The following THSD1 variants were observed in gnomAD, a reference collection of about 807,000 sequenced individuals.
THSD1 encodes the protein thrombospondin type 1 domain containing 1.
A neutral mutation model predicts 46.3 loss-of-function variants in THSD1; 34 were observed. That is an observed-to-expected ratio of 0.74 (90% CI 0.56 to 0.98). The LOEUF is 0.98. THSD1 is among the 50% of genes least tolerant of loss of function. The pLI, the probability that THSD1 is intolerant of heterozygous loss-of-function variation, is 0.00. For missense variants in THSD1, 1,023 were observed against 1,058.3 expected, an observed-to-expected ratio of 0.97 and a Z score of 0.46; for synonymous variants, 407 against 416.5, an observed-to-expected ratio of 0.98 and a Z score of 0.28.
intron 4 of THSD1, 131 bp from the exon 5 acceptor site, chr13:52,378,920 T>C (rs1957669272): frequency 1.9e-6 from 2 of 1,048,842 alleles, no homozygotes; most frequent in East Asian, 2.7e-5. Context: ...TGGAGTGCAA[T>C]GGTGTGATCT....
rs1286960161 is a variant in THSD1, at chr13:52,402,532, A to G, written c.58+11T>C. 6.2e-7 allele frequency: 1 copy of G among 1,612,764 alleles called. No individual in the cohort carries two copies. Among genetic ancestry groups the G allele is most frequent in the Non-Finnish European group, 8.5e-7 (1 of 1,178,866 alleles). On this transcript the variant is annotated intron_variant, in intron 2 of 4. Coordinates refer to ENST00000258613, the MANE Select transcript of THSD1 (RefSeq NM_018676.4). ...GCTACCAGTAGCGTTAAGTATACTC[A>G]CAATACTCACCATAGTCACAGAGTA...
intron 4 of THSD1, among the ~76,000 whole-genome samples, chr13:52,383,652 T>C (rs890275533): frequency 6.6e-6 from 1 of 152,242 alleles, no homozygotes; most frequent in Non-Finnish European, 1.5e-5. Flanking sequence ...CTCGCCCATC[T>C]GTATCTCTAG....
chr13:52,385,314 A>T (rs1957722553), intron 4 of THSD1, among the ~76,000 whole-genome samples: 1 of 152,190 alleles, frequency 6.6e-6, no homozygotes. Flanking sequence ...GTGTGGAAAA[A>T]GCAAGGACTA....
Position 52,377,755 on chromosome 13 carries a change from C to T in THSD1, c.2215G>A (p.Asp739Asn), listed in dbSNP as rs1176583475. The T allele has an allele frequency of 1.2e-6, 2 of 1,614,032 alleles. No homozygotes were observed. The highest frequency in any genetic ancestry group is 3.3e-5 in the Admixed American group (2 of 60,004). Residue 739 changes from aspartate (D) to asparagine (N), a missense_variant, in exon 5 of 5, where the codon GAC (aspartate) becomes AAC (asparagine). Around this residue, in one of 3 missense-constraint regions of THSD1, gnomAD observed 578 missense variants for 497.4 expected, o/e 1.16. Coordinates refer to ENST00000258613, the MANE Select transcript of THSD1 (RefSeq NM_018676.4). ...AATCCTGCCTGGTGATCCCCAAGGT[C>T]TGGTTTCCTCAAGGGCTGCCCCAAA... ...YTLGQPLRKPDLGDHQAGLVA... is the reference protein window; with the variant it reads ...YTLGQPLRKPNLGDHQAGLVA...
chr13:52,382,096 A>T (rs564456156), intron 4 of THSD1, among the ~76,000 whole-genome samples: 1 of 152,324 alleles, frequency 6.6e-6, no homozygotes, highest in East Asian at 1.9e-4. Context: ...TTTAGATCCA[A>T]GGAGAGCTAC....
chr13:52,383,774 T>C (rs1035217636), intron 4 of THSD1, among the ~76,000 whole-genome samples: 4 of 152,230 alleles, frequency 2.6e-5, no homozygotes, highest in African/African-American at 9.6e-5. Flanking sequence ...AAGAGCACAC[T>C]TGGAAGAAAT....
At chr13:52,382,807 C>T (rs1043134880) in intron 4 of THSD1, among the ~76,000 whole-genome samples, 1 of 152,070 alleles carries the variant, frequency 6.6e-6, no homozygotes, top group African/African-American at 2.4e-5. Flanking sequence ...TCGAGACCAG[C>T]CTGGCCAACA....
chr13:52,398,603 G>A (rs1165754085), intron 2 of THSD1: 1 of 985,336 alleles, frequency 1.0e-6, no homozygotes, highest in Non-Finnish European at 1.2e-6. Flanking sequence ...AAATGATACT[G>A]AGCACAGATC....
At position 52,394,078 on chromosome 13, in the gene THSD1, A is replaced by AG. The variant is rs1007150580; in HGVS notation, c.1021+3153_1021+3154insC. Among the ~76,000 whole-genome samples, 158 of 152,022 alleles carry AG rather than the reference A, an allele frequency of 1.0e-3. 1 individual carries two copies. The highest frequency in any genetic ancestry group is 2.2e-4 in the Non-Finnish European group (15 of 67,990). On this transcript the variant is annotated intron_variant, in intron 3 of 4. Coordinates refer to ENST00000258613, the MANE Select transcript of THSD1 (RefSeq NM_018676.4). ...CTACCCTCCACCTAGACACACAGAG[A>AG]ACCACTCCCGTTCTGCCCTTTTCCA...
In THSD1 at chr13:52,386,283, T is replaced by C. The variant is rs1002738015; in HGVS notation, c.1022-97A>G. The C allele has an allele frequency of 6.0e-6, 8 of 1,329,894 alleles. No homozygotes were observed. In the Middle Eastern group the frequency reaches 7.6e-4, roughly 127 times the overall value. 82.4% of individuals were successfully genotyped at this position (1,329,894 alleles called of 1,614,324 possible). On this transcript the variant is annotated intron_variant, in intron 3 of 4. Transcript: ENST00000258613. ...ACAGCAAAACTCAAATCTCAGGTCT[T>C]GAAAAGCCCGTGAGTTAAAGCGTTC...
intron 4 of THSD1, among the ~76,000 whole-genome samples, chr13:52,385,280 T>C (rs1388278104): frequency 1.3e-5 from 2 of 152,124 alleles, no homozygotes; most frequent in African/African-American, 4.8e-5. Context: ...TAAATGTGGA[T>C]TGTCTGTCAG....
rs1277668657 is a variant in THSD1, at chr13:52,377,871, C to T, written c.2099G>A (p.Arg700Gln). ...TTTTTCAGGAAACAGGTGGGCACCT[C>T]GACTCTGAGGCCTAAATCTGTCCTC... ...QAEDRFRPQS[R>Q]GAHLFPEKLE... Residue 700 changes from arginine to glutamine, a missense_variant, in exon 5 of 5, where the codon CGA (arginine) becomes CAA (glutamine). Physicochemically the swap from Arg to Gln is conservative, Grantham distance 43 (BLOSUM62 1). Transcript: ENST00000258613. 6.2e-7 allele frequency: 1 copy of T among 1,614,192 alleles called. No homozygotes were observed. The highest frequency in any genetic ancestry group is 1.7e-5 in the Admixed American group (1 of 60,020).
chr13:52,398,017 G>A lies in THSD1; in HGVS notation c.236C>T (p.Thr79Ile), dbSNP rs778118327. The A allele has an allele frequency of 1.2e-6, 2 of 1,614,212 alleles. No homozygotes were observed. Among genetic ancestry groups the A allele is most frequent in the Non-Finnish European group, 1.7e-6 (2 of 1,180,050 alleles). The part of the protein sequence containing the change: ...NQTVTTKYLL[T>I]NQSQGTLKFE... The stretch of plus-strand genomic sequence containing the variant: ...CTTTAGTGTTCCCTGGGACTGGTTG[G>A]TCAGGAGGTACTTGGTAGTTACAGT... Residue 79 changes from threonine to isoleucine, a missense_variant, in exon 3 of 5, where the codon ACC becomes ATC. By Grantham distance (89) the Thr-to-Ile change is moderately conservative. This residue lies in a region of THSD1 where 429 missense variants were observed against 518.3 expected (regional missense o/e 0.83). Coordinates refer to ENST00000258613, the MANE Select transcript of THSD1 (RefSeq NM_018676.4).
Position 52,378,378 on chromosome 13 carries a change from C to T in THSD1, c.1592G>A (p.Arg531His). 6 of 1,614,056 alleles carry T rather than the reference C, an allele frequency of 3.7e-6. No homozygotes were observed. The highest frequency in any genetic ancestry group is 5.1e-6 in the Non-Finnish European group (6 of 1,180,022). ...QKIIPPLFSYRLAQQQLKEMK... is the reference protein window; with the variant it reads ...QKIIPPLFSYHLAQQQLKEMK... ...CTCCTTTAACTGCTGCTGGGCAAGG[C>T]GGTAGCTGAACAGAGGTGGGATTAT... Residue 531 changes from arginine (R) to histidine (H), a missense_variant, in exon 5 of 5, where the codon CGC becomes CAC. Around this residue, in one of 3 missense-constraint regions of THSD1, gnomAD observed 578 missense variants for 497.4 expected, o/e 1.16. Transcript: ENST00000258613.
At chr13:52,401,275 A>T (rs1463006845) in intron 2 of THSD1, among the ~76,000 whole-genome samples, 2 of 151,324 alleles carry the variant, frequency 1.3e-5, no homozygotes, top group Non-Finnish European at 2.9e-5. Context: ...ATCCAGCCAG[A>T]GTAATCGGTT....
chr13:52,383,679 T>G (rs1957708908), intron 4 of THSD1, among the ~76,000 whole-genome samples: 1 of 152,238 alleles, frequency 6.6e-6, no homozygotes, highest in South Asian at 2.1e-4. Flanking sequence ...CTCTTTCAGC[T>G]GAAGTAAAGG....
intron 3 of THSD1, among the ~76,000 whole-genome samples, chr13:52,392,157 G>A (rs545117825): frequency 1.3e-4 from 18 of 134,340 alleles, no homozygotes; most frequent in African/African-American, 3.6e-4. Context: ...GCGCCACTGC[G>A]CTCCAGCCTG....
In THSD1 at chr13:52,378,578, G is replaced by A. The variant is rs1240430886; in HGVS notation, c.1392C>T (p.Asp464=). 6.2e-7 allele frequency: 1 copy of A among 1,614,146 alleles called. No individual in the cohort carries two copies. The highest frequency in any genetic ancestry group is 8.5e-7 in the Non-Finnish European group (1 of 1,180,036). ...CGCTCAGCTCGCAGATATTCTCCTC[G>A]TCCGAGTTCTTCCGGAAGCTGGGGG... ...IHSPSFRKNS[D]EENICELSEQ... is the part of the protein sequence containing the mutation. Residue 464 remains aspartate, a synonymous_variant, in exon 5 of 5, where the codon GAC becomes GAT. Transcript: ENST00000258613.
chr13:52,398,237 G>T, intron 2 of THSD1, 43 bp from the exon 3 acceptor site: 1 of 1,568,126 alleles, frequency 6.4e-7, no homozygotes, highest in South Asian at 1.2e-5. Flanking sequence ...AGGTGCATTT[G>T]AGAAGAACTA....
Sources: allele counts gnomAD v4.1 joint callset (sites outside exome capture counted in the v4.1 genomes callset), GRCh38; gene constraint gnomAD v4.1.1; regional missense constraint gnomAD v4.1.1; transcripts MANE v1.5; gene names NCBI Gene and HGNC (gene_info 2026-07-23, HGNC 2026-07-21).